Variants in DNAH17 observed in about 807,000 individuals in gnomAD.
DNAH17 encodes the protein axonemal beta dynein heavy chain 17.
A neutral mutation model predicts 485.6 loss-of-function variants in DNAH17; 376 were observed. The observed-to-expected ratio is 0.77, with a 90% CI of 0.71 to 0.84. The LOEUF (loss-of-function observed/expected upper bound fraction) is 0.84. DNAH17 is among the 40% of genes least tolerant of loss of function. The pLI, the probability that DNAH17 is intolerant of heterozygous loss-of-function variation, is 0.00. For synonymous variants in DNAH17, 3,031 were observed against 2,405.9 expected (o/e 1.26, Z -7.60); for missense variants, 6,370 against 5,839.3 (o/e 1.09, Z -2.96).
chr17:78,521,817 T>C (rs1053911887), intron 25 of DNAH17, among the ~76,000 whole-genome samples: 1 of 152,028 alleles, frequency 6.6e-6, no homozygotes, highest in Admixed American at 6.6e-5. Flanking sequence ...TGAAACCCCA[T>C]CTCTCCTAAA....
rs921798641 is a variant in DNAH17 at position 78,494,301 on chromosome 17, C to T, written c.6271-128G>A. On this transcript the variant is annotated intron_variant, in intron 40 of 80. Coordinates refer to ENST00000389840, the MANE Select transcript of DNAH17 (RefSeq NM_173628.4). ...GCGCCCTTGCCCTCCGATGCACGTG[C>T]GTCTGCAAGTTCTGCTGTCAATGCC... 38 of 1,351,754 alleles carry T rather than the reference C, an allele frequency of 2.8e-5. 1 individual carries two copies. The highest frequency in any genetic ancestry group is 1.9e-4 in the Middle Eastern group (1 of 5,254). 83.7% of individuals were successfully genotyped at this position (1,351,754 alleles called of 1,614,324 possible). A position where few individuals can be genotyped will look rare whatever the true frequency, so the allele number is the denominator to read the frequency against.
At position 78,434,211 on chromosome 17, in the gene DNAH17, C is replaced by G; in HGVS notation, c.12043G>C (p.Glu4015Gln). 6 of 1,606,762 alleles carry G rather than the reference C, an allele frequency of 3.7e-6. No homozygotes were observed. The highest frequency in any genetic ancestry group is 5.1e-6 in the Non-Finnish European group (6 of 1,174,578). ...AACTCCATCTCCTTGGTGCACATCT[C>G]CAGGGTGTCCTGTGGGGCACACGCT... ...ALDLFTQDTL[E>Q]MCTKEMEFKC... is the part of the protein sequence containing the mutation. The change falls in exon 75 of 81, where the codon GAG becomes CAG. Residue 4015 changes from glutamate to glutamine, a missense_variant. By Grantham distance (29) the Glu-to-Gln change is conservative. Transcript: ENST00000389840.
chr17:78,441,085 C>A lies in DNAH17; in HGVS notation c.11643G>T (p.Pro3881=). 1 of 1,609,600 alleles carries A rather than the reference C, an allele frequency of 6.2e-7. No homozygotes were observed. The highest frequency in any genetic ancestry group is 8.5e-7 in the Non-Finnish European group (1 of 1,177,914). The change falls in exon 72 of 81, where the codon CCG becomes CCT. Residue 3881 remains proline, a synonymous_variant. Coordinates refer to ENST00000389840, the MANE Select transcript of DNAH17 (RefSeq NM_173628.4). ...CCACGTCTTTCAAGGGGTCAACCCC[C>A]GGGGAGAGGATGAAGAAGATTGACG... ...PSTSIFFILS[P]GVDPLKDVEA...
At position 78,537,960 on chromosome 17, in the gene DNAH17, G is replaced by A. The variant is rs1015731431; in HGVS notation, c.2677-479C>T. Among the ~76,000 whole-genome samples, 34 of 152,264 alleles carry A rather than the reference G, an allele frequency of 2.2e-4. 1 individual carries two copies. The highest frequency in any genetic ancestry group is 1.4e-3 in the Admixed American group (21 of 15,298). On this transcript the variant is annotated intron_variant, in intron 18 of 80. Transcript: ENST00000389840. ...TTGAGACCAGCCTGGCCCACATGGC[G>A]AAGCCCCGTCTCTACTAAAAATACA...
At chr17:78,532,093 C>T (rs770779260) in intron 20 of DNAH17, among the ~76,000 whole-genome samples, 16 of 152,326 alleles carry the variant, frequency 1.1e-4, no homozygotes, top group Admixed American at 5.9e-4. Context: ...CCTCATCTCC[C>T]TGAGGTCAGG....
Position 78,553,750 on chromosome 17 carries a change from C to T in DNAH17, c.2179-945G>A, listed in dbSNP as rs1237839103. Among the ~76,000 whole-genome samples, 3 of 152,152 alleles carry T rather than the reference C, an allele frequency of 2.0e-5. No individual in the cohort carries two copies. In the East Asian group the frequency reaches 5.8e-4, roughly 29 times the overall value. On this transcript the variant is annotated intron_variant, in intron 14 of 80. Coordinates refer to ENST00000389840, the MANE Select transcript of DNAH17 (RefSeq NM_173628.4). Reference sequence around the variant, plus strand: ...TTATAGTATTCCTATCTCTTTCTAGCCCATACCATGACTAATTAAGAATTA... The same window carrying T: ...TTATAGTATTCCTATCTCTTTCTAGTCCATACCATGACTAATTAAGAATTA...
At chr17:78,501,444 AG>A in intron 34 of DNAH17, 100 bp from the exon 35 acceptor site, 1 of 1,408,032 alleles carries the variant, frequency 7.1e-7, no homozygotes, top group Non-Finnish European at 9.4e-7. Flanking sequence ...CCTGCTGCCC[AG>A]GGAACCCTCC....
chr17:78,564,666 C>CT (rs1371337854), intron 11 of DNAH17, among the ~76,000 whole-genome samples: 21 of 152,280 alleles, frequency 1.4e-4, no homozygotes, highest in African/African-American at 4.6e-4. Flanking sequence ...AACAACCAGC[C>CT]TCCCTTGTCA....
chr17:78,458,826 G>A, intron 61 of DNAH17, 146 bp from the exon 62 acceptor site: 2 of 1,020,634 alleles, frequency 2.0e-6, no homozygotes, highest in Non-Finnish European at 1.5e-6. Flanking sequence ...TGGAGGCTAA[G>A]GACACCAAGC....
At chr17:78,450,114 C>T (rs953371944) in intron 68 of DNAH17, 140 bp downstream of exon 68, 3 of 1,015,824 alleles carry the variant, frequency 3.0e-6, no homozygotes, top group African/African-American at 1.6e-5. Context: ...CTTCCAGCTC[C>T]ATCTGCAGGC....
intron 54 of DNAH17, among the ~76,000 whole-genome samples, chr17:78,473,543 C>CAAAAAAAAA (rs758795883): frequency 7.2e-5 from 4 of 55,436 alleles, no homozygotes; most frequent in East Asian, 5.6e-4. Context: ...GACTCTGTCT[C>CAAAAAAAAA]AAAAAAAAAA....
chr17:78,507,108 A>G (rs1160252839), intron 29 of DNAH17, among the ~76,000 whole-genome samples, 170 bp downstream of exon 29: 1 of 152,120 alleles, frequency 6.6e-6, no homozygotes, highest in Non-Finnish European at 1.5e-5. Flanking sequence ...ACGTGGTGGG[A>G]TGAGGCCGGG....
Position 78,530,331 on chromosome 17 carries a change from C to A in DNAH17, c.3284+12G>T. On this transcript the variant is annotated intron_variant, in intron 21 of 80. Coordinates refer to ENST00000389840, the MANE Select transcript of DNAH17 (RefSeq NM_173628.4). ...TTCCTTGGGCTCCCCGAGTACATGG[C>A]TGGGGACCCACCTGTTGGTGACGTG... The A allele has an allele frequency of 6.2e-7, 1 of 1,600,372 alleles. No homozygotes were observed. Among genetic ancestry groups the A allele is most frequent in the Non-Finnish European group, 8.5e-7 (1 of 1,170,318 alleles).
At chr17:78,558,727 G>T (rs540295046) in intron 13 of DNAH17, among the ~76,000 whole-genome samples, 2 of 152,094 alleles carry the variant, frequency 1.3e-5, no homozygotes, top group Non-Finnish European at 2.9e-5. Context: ...GTAAGACTTC[G>T]GGTCTTCACT....
rs141987016 is a variant in DNAH17 at position 78,444,714 on chromosome 17, C to T, written c.11418G>A (p.Ser3806=). Residue 3806 remains serine (S), a synonymous_variant, in exon 71 of 81, where the codon TCG becomes TCA. Transcript: ENST00000389840. ...SAKRWKKLVE[S]EAPEKEIFPK... ...GGAAGATCTCCTTCTCGGGGGCTTC[C>T]GACTCCACCAGCTTTTTCCAGCGCT... is the stretch of plus-strand genomic sequence containing the variant. 9.9e-5 allele frequency: 159 copies of T among 1,607,180 alleles called. No homozygotes were observed. The East Asian group carries it at 1.0e-3, about 10-fold the overall frequency.
chr17:78,476,397 T>C, intron 52 of DNAH17, among the ~76,000 whole-genome samples, 175 bp downstream of exon 52: 1 of 151,914 alleles, frequency 6.6e-6, no homozygotes, highest in African/African-American at 2.4e-5. Context: ...AGTTATCGCG[T>C]GGAACCCTCG....
chr17:78,460,502 A>T (rs368918994), intron 58 of DNAH17, among the ~76,000 whole-genome samples: 1 of 152,260 alleles, frequency 6.6e-6, no homozygotes, highest in South Asian at 2.1e-4. Flanking sequence ...TCTGAGCTCC[A>T]TAAGAGAGGC....
At position 78,423,789 on chromosome 17, in the gene DNAH17, A is replaced by ATTTAAGAGAACGAAAAACC; in HGVS notation, c.*98_*116dup. Reference sequence around the variant, plus strand: ...GTGCTTGGTTACAAAGCACCTGATTATTTAAGAGAACGAAAAACCACCACC... The same window carrying ATTTAAGAGAACGAAAAACC: ...GTGCTTGGTTACAAAGCACCTGATTATTTAAGAGAACGAAAAACCTTTAAGAGAACGAAAAACCACCACC... On this transcript the variant is annotated 3_prime_UTR_variant, in exon 81 of 81. Coordinates refer to ENST00000389840, the MANE Select transcript of DNAH17 (RefSeq NM_173628.4). 1 of 1,354,344 alleles carries ATTTAAGAGAACGAAAAACC rather than the reference A, an allele frequency of 7.4e-7. No homozygotes were observed. Among genetic ancestry groups the ATTTAAGAGAACGAAAAACC allele is most frequent in the Non-Finnish European group, 1.0e-6 (1 of 983,120 alleles). The allele number at this position is 1,354,344 out of a possible 1,614,324, so 83.9% of individuals were successfully genotyped here.
intron 75 of DNAH17, among the ~76,000 whole-genome samples, chr17:78,431,252 C>T (rs1440172507): frequency 6.6e-6 from 1 of 152,224 alleles, no homozygotes; most frequent in Non-Finnish European, 1.5e-5. Flanking sequence ...CCTTCTCTGT[C>T]TGGTCATCAC....
Sources: allele counts gnomAD v4.1 joint callset (sites outside exome capture counted in the v4.1 genomes callset), GRCh38; gene constraint gnomAD v4.1.1; transcripts MANE v1.5; gene names NCBI Gene and HGNC (gene_info 2026-07-23, HGNC 2026-07-21).